Variants in ZBED6 observed in about 807,000 individuals in gnomAD.
The protein encoded by ZBED6 is zinc finger BED domain-containing protein 6.
In ZBED6, 40 loss-of-function variants were observed where a neutral mutation model predicts 58.4. The observed-to-expected ratio is 0.68, with a 90% CI of 0.53 to 0.89. The LOEUF (loss-of-function observed/expected upper bound fraction) is 0.89. Ranked by LOEUF, ZBED6 falls within the 40% of genes least tolerant of loss-of-function variation. ZBED6 has a pLI of 0.00. For missense variants in ZBED6, 1,057 were observed against 1,003.9 expected (o/e 1.05, Z -0.71); for synonymous variants, 439 against 350.6 (o/e 1.25, Z -2.82).
chr1:203,800,416 A>G, exon 1 of ZBED6: 3 of 1,303,828 alleles, frequency 2.3e-6, no homozygotes, highest in Non-Finnish European at 3.2e-6. Context: ...TGGGATCCTG[A>G]GCAGAATGAA....
intron 9 of ZBED6, chr1:203,835,677 C>T: frequency 4.1e-6 from 1 of 244,842 alleles, no homozygotes; most frequent in Non-Finnish European, 8.8e-6. Flanking sequence ...ACCACTGTTT[C>T]CATGGGCTTG....
chr1:203,850,761 A>C, intron 15 of ZBED6, 80 bp downstream of exon 15: 1 of 1,527,002 alleles, frequency 6.5e-7, no homozygotes, highest in Middle Eastern at 1.7e-4. Flanking sequence ...CTAGCATTCT[A>C]TCTTGAGTAT....
chr1:203,809,442 C>T (rs1255090434), intron 1 of ZBED6, among the ~76,000 whole-genome samples: 3 of 151,932 alleles, frequency 2.0e-5, no homozygotes, highest in Non-Finnish European at 4.4e-5. Context: ...TCCCAGGTTG[C>T]TGGGATTACA....
intron 3 of ZBED6, among the ~76,000 whole-genome samples, chr1:203,820,626 C>T (rs897277846): frequency 6.6e-6 from 1 of 151,956 alleles, no homozygotes; most frequent in Non-Finnish European, 1.5e-5. Context: ...AACGGGCATG[C>T]CTCACCACAC....
chr1:203,799,143 C>G lies in ZBED6; in HGVS notation c.1621C>G (p.Gln541Glu), dbSNP rs1046923243. ...AGACTGTTTGATAACCAATATTTTA[C>G]AAGAATTAAATGACCAGATTGGTCT... Residue 541 changes from glutamine (Q) to glutamate (E), a missense_variant, in exon 1 of 17, where the codon CAA becomes GAA. Transcript: ENST00000550078. 1.0e-5 allele frequency: 15 copies of G among 1,502,170 alleles called. No homozygotes were observed. The African/African-American group carries it at 1.8e-4, about 18-fold the overall frequency. The allele number at this position is 1,502,170 out of a possible 1,614,324, so 93.1% of individuals were successfully genotyped here.
At chr1:203,824,591 AGT>A (rs1679874524) in intron 3 of ZBED6, among the ~76,000 whole-genome samples, 1 of 152,216 alleles carries the variant, frequency 6.6e-6, no homozygotes, top group Non-Finnish European at 1.5e-5. Context: ...TCACAAATTG[AGT>A]CACATTTCCA....
intron 12 of ZBED6, 89 bp from the exon 13 acceptor site, chr1:203,848,242 C>A: frequency 2.7e-6 from 3 of 1,097,912 alleles, no homozygotes; most frequent in Non-Finnish European, 4.0e-6. Context: ...TGTCTTACTA[C>A]TTTCATTAAA....
chr1:203,819,637 C>T (rs556165678), intron 3 of ZBED6, among the ~76,000 whole-genome samples: 76 of 147,820 alleles, frequency 5.1e-4, no homozygotes, highest in African/African-American at 1.7e-3. Flanking sequence ...CTAGTTCAAG[C>T]GGTTCTCCTG....
At position 203,804,182 on chromosome 1, in the gene ZBED6, CG is replaced by C. The variant is rs1338688982; in HGVS notation, c.*2554+1167del. ...TTTTTTTTTTTTTGAGACAGAGTCT[CG>C]CTCTGTCGCCCAGGCTGGAGTGCAG... On this transcript the variant is annotated intron_variant, in intron 1 of 16. Coordinates refer to ENST00000550078, the Ensembl canonical transcript of ZBED6. 2.8e-5 allele frequency among the ~76,000 whole-genome samples: 4 copies of C among 141,982 alleles called. No individual in the cohort carries two copies. The East Asian group carries it at 8.4e-4, about 30-fold the overall frequency. 93.1% of individuals were successfully genotyped at this position (141,982 alleles called of 152,430 possible).
rs1468504225 is a variant in ZBED6 at position 203,796,055 on chromosome 1, C to T, written c.-1468C>T. The T allele has an allele frequency of 6.7e-6, 1 of 149,688 alleles. No individual in the cohort carries two copies. Among genetic ancestry groups the T allele is most frequent in the Non-Finnish European group, 1.5e-5 (1 of 67,780 alleles). The allele number at this position is 149,688 out of a possible 1,614,324, so 9.3% of individuals were successfully genotyped here. Reference sequence around the variant, plus strand: ...CCCCACCCCGTTCACCCCACCCCCACGGCGCCTGCTCCTTTCCCAGCCAAC... The same window carrying T: ...CCCCACCCCGTTCACCCCACCCCCATGGCGCCTGCTCCTTTCCCAGCCAAC... On this transcript the variant is annotated 5_prime_UTR_variant, in exon 1 of 17. The change creates a new upstream start codon in the 5' untranslated region. Transcript: ENST00000550078.
chr1:203,852,436 A>G, exon 17 of ZBED6: 2 of 1,603,974 alleles, frequency 1.2e-6, no homozygotes, highest in African/African-American at 2.7e-5. Context: ...AAAAATCGCC[A>G]AAAAACTGGA....
chr1:203,825,943 G>A (rs2102958095), intron 3 of ZBED6, among the ~76,000 whole-genome samples: 1 of 152,232 alleles, frequency 6.6e-6, no homozygotes, highest in African/African-American at 2.4e-5. Flanking sequence ...TCTAGCAAAT[G>A]TATTAAACAG....
At chr1:203,819,132 ATATGTATATGTGTGTATATACACACACG>A (rs1677450012) in intron 3 of ZBED6, among the ~76,000 whole-genome samples, 2 of 146,928 alleles carry the variant, frequency 1.4e-5, no homozygotes, top group African/African-American at 5.3e-5. Context: ...GTATATATAC[ATATGTATATGTGTGTATATACACACACG>A]TGTATATATG....
chr1:203,828,878 CT>C (rs1253401189), intron 4 of ZBED6, among the ~76,000 whole-genome samples: 1 of 152,168 alleles, frequency 6.6e-6, no homozygotes, highest in African/African-American at 2.4e-5. Flanking sequence ...TTAACTGGCT[CT>C]TTACAGAAAA....
At position 203,816,945 on chromosome 1, in the gene ZBED6, T is replaced by A. The variant is rs533414606; in HGVS notation, c.*2574T>A. 54 of 601,494 alleles carry A rather than the reference T, an allele frequency of 9.0e-5. 2 individuals are homozygous for A. In the South Asian group the frequency reaches 1.5e-3, roughly 17 times the overall value. The allele number at this position is 601,494 out of a possible 1,614,324, so 37.3% of individuals were successfully genotyped here. A position where few individuals can be genotyped will look rare whatever the true frequency, so the allele number is the denominator to read the frequency against. ...TTTTAGGATTACAGTTTAAAGACAA[T>A]TTCTGTGATCAAGTTGTCATTTGGA... On this transcript the variant is annotated 3_prime_UTR_variant, in exon 2 of 17. Transcript: ENST00000550078.
chr1:203,796,214 A>C (rs1668435296), exon 1 of ZBED6: 1 of 389,416 alleles, frequency 2.6e-6, no homozygotes, highest in Admixed American at 4.5e-5. Flanking sequence ...CAGTTTCTCT[A>C]GTTGAGCGGA....
Position 203,821,019 on chromosome 1 carries a change from C to T in ZBED6, c.*2873+2330C>T, listed in dbSNP as rs143164937. Reference sequence around the variant, plus strand: ...GAATTAATGCAAACTTGTGGTGATACGTTTGGCTCTGTATCCTCACCTGAA... The same window carrying T: ...GAATTAATGCAAACTTGTGGTGATATGTTTGGCTCTGTATCCTCACCTGAA... On this transcript the variant is annotated intron_variant, in intron 3 of 16. Transcript: ENST00000550078. Among the ~76,000 whole-genome samples, 744 of 152,222 alleles carry T rather than the reference C, an allele frequency of 4.9e-3. 6 individuals carry two copies. Among genetic ancestry groups the T allele is most frequent in the African/African-American group, 0.016 (677 of 41,534 alleles).
exon 17 of ZBED6, chr1:203,853,363 G>A (rs1334539091): frequency 1.3e-5 from 2 of 152,688 alleles, no homozygotes; most frequent in East Asian, 3.9e-4. Context: ...GGCTGTAGCA[G>A]TACACTGAAT....
At position 203,813,798 on chromosome 1, in the gene ZBED6, G is replaced by T. The variant is rs996965998; in HGVS notation, c.*2555-3128G>T. 6.6e-5 allele frequency among the ~76,000 whole-genome samples: 10 copies of T among 152,126 alleles called. No homozygotes were observed. In the South Asian group the frequency reaches 1.9e-3, roughly 28 times the overall value. The stretch of plus-strand genomic sequence containing the variant: ...GTAGATGCATCACTCCAGCCACATG[G>T]TCATCTTCTCCTTGTGTGTCTTCTC... On this transcript the variant is annotated intron_variant, in intron 1 of 16. Coordinates refer to ENST00000550078, the Ensembl canonical transcript of ZBED6.
Sources: allele counts gnomAD v4.1 joint callset (sites outside exome capture counted in the v4.1 genomes callset), GRCh38; gene constraint gnomAD v4.1.1; transcripts MANE v1.5; gene names NCBI Gene and HGNC (gene_info 2026-07-23, HGNC 2026-07-21).